SCARA5: variants seen among roughly 807,000 people sequenced by gnomAD.
SCARA5 encodes scavenger receptor class A member 5, also known as scavenger receptor class A, member 5 (putative).
Under a neutral mutation model 46.3 loss-of-function variants are expected in SCARA5, and 45 were observed. The observed-to-expected ratio is 0.97, with a 90% CI of 0.76 to 1.24. The LOEUF is 1.24. SCARA5 is among the 50% of genes most tolerant of loss of function. The pLI is 0.00. For synonymous variants in SCARA5, 333 were observed against 306.5 expected, an observed-to-expected ratio of 1.09 and a Z score of -0.90; for missense variants, 680 against 689.0, an observed-to-expected ratio of 0.99 and a Z score of 0.15.
chr8:27,871,599 T>G lies in SCARA5; in HGVS notation c.*335A>C. ...CTCTGACACATTCTCAGCATTCACCTGTAACTAAAAGGCCAAAGGGAACTG... is the reference window on the plus strand; with the variant it reads ...CTCTGACACATTCTCAGCATTCACCGGTAACTAAAAGGCCAAAGGGAACTG... On this transcript the variant is annotated 3_prime_UTR_variant, in exon 9 of 9. Transcript: ENST00000354914. The G allele has an allele frequency of 8.6e-7, 1 of 1,167,428 alleles. No homozygotes were observed. The highest frequency in any genetic ancestry group is 2.6e-5 in the South Asian group (1 of 38,024). 72.3% of individuals were successfully genotyped at this position (1,167,428 alleles called of 1,614,324 possible). A position where few individuals can be genotyped will look rare whatever the true frequency, so the allele number is the denominator to read the frequency against.
At chr8:27,950,848 A>T (rs1342589552) in intron 3 of SCARA5, among the ~76,000 whole-genome samples, 4 of 149,678 alleles carry the variant, frequency 2.7e-5, no homozygotes, top group Non-Finnish European at 3.0e-5. Flanking sequence ...GCTCTGTGAC[A>T]AAACTCCTAT....
chr8:27,968,322 G>A (rs1281339435), intron 2 of SCARA5, among the ~76,000 whole-genome samples: 1 of 152,188 alleles, frequency 6.6e-6, no homozygotes, highest in East Asian at 1.9e-4. Flanking sequence ...GTGCAGTGTC[G>A]AGCAAGTTGT....
At chr8:27,965,775 T>C (rs1381804037) in intron 3 of SCARA5, among the ~76,000 whole-genome samples, 3 of 152,232 alleles carry the variant, frequency 2.0e-5, no homozygotes, top group Non-Finnish European at 4.4e-5. Flanking sequence ...AGCCATCTGC[T>C]TCACCATCTG....
intron 3 of SCARA5, among the ~76,000 whole-genome samples, chr8:27,925,751 G>GA (rs982341787): frequency 2.0e-5 from 3 of 151,598 alleles, no homozygotes; most frequent in African/African-American, 4.8e-5. Flanking sequence ...AAATTTATAA[G>GA]AAAAAAAACA....
chr8:27,976,145 T>C lies in SCARA5; in HGVS notation c.113-9603A>G, dbSNP rs1023465310. 1.0e-4 allele frequency among the ~76,000 whole-genome samples: 15 copies of C among 144,624 alleles called. No individual in the cohort carries two copies. The East Asian group carries it at 2.9e-3, about 28-fold the overall frequency. 94.9% of individuals were successfully genotyped at this position (144,624 alleles called of 152,430 possible). ...GGGCTGAGGGGTGGAGAGAGGAAGCTGGGGGAGGGGAGGGCAGGGTGGCCA... is the reference window on the plus strand; with the variant it reads ...GGGCTGAGGGGTGGAGAGAGGAAGCCGGGGGAGGGGAGGGCAGGGTGGCCA... On this transcript the variant is annotated intron_variant, in intron 2 of 8. Transcript: ENST00000354914.
chr8:27,918,718 TGAG>T (rs1346352767), intron 4 of SCARA5, among the ~76,000 whole-genome samples: 1 of 13,592 alleles, frequency 7.4e-5, no homozygotes, highest in Non-Finnish European at 1.5e-4. Flanking sequence ...AGGAGGAAGA[TGAG>T]GAGGATAAAG....
chr8:27,947,330 G>A (rs756834488), intron 3 of SCARA5, among the ~76,000 whole-genome samples: 1 of 152,114 alleles, frequency 6.6e-6, no homozygotes, highest in Admixed American at 6.5e-5. Flanking sequence ...ACTTCCAAGG[G>A]CAAATTGGCT....
At position 27,980,715 on chromosome 8, in the gene SCARA5, G is replaced by C. The variant is rs58071164; in HGVS notation, c.112+6789C>G. Among the ~76,000 whole-genome samples, 1,127 of 152,286 alleles carry C rather than the reference G, an allele frequency of 7.4e-3. 3 individuals carry two copies. Among genetic ancestry groups the C allele is most frequent in the African/African-American group, 0.026 (1,067 of 41,550 alleles). On this transcript the variant is annotated intron_variant, in intron 2 of 8. Transcript: ENST00000354914. ...ACCTCAGGGGGCCCCTGGGAGCAAA[G>C]TGCCTCCAATTAGGATGATGAAGGG...
At chr8:27,907,316 G>T in intron 5 of SCARA5, 70 bp from the exon 6 acceptor site, 2 of 1,159,950 alleles carry the variant, frequency 1.7e-6, no homozygotes, top group Non-Finnish European at 2.5e-6. Context: ...GGTCATCGTC[G>T]GGTTCAAGGC....
chr8:27,945,775 A>C (rs1414617863), intron 3 of SCARA5, among the ~76,000 whole-genome samples: 1 of 152,238 alleles, frequency 6.6e-6, no homozygotes, highest in African/African-American at 2.4e-5. Context: ...CAAAAGGCTT[A>C]AACAGCCAGT....
intron 7 of SCARA5, among the ~76,000 whole-genome samples, chr8:27,887,372 A>G (rs563360708): frequency 1.1e-4 from 16 of 152,154 alleles, no homozygotes; most frequent in African/African-American, 3.1e-4. Flanking sequence ...CTTGTTCTGG[A>G]TCCCTAACCT....
At chr8:27,985,396 C>G (rs1276909165) in intron 2 of SCARA5, among the ~76,000 whole-genome samples, 1 of 152,138 alleles carries the variant, frequency 6.6e-6, no homozygotes, top group African/African-American at 2.4e-5. Context: ...TGGGGCAGCA[C>G]AGAGGGGAGA....
At chr8:27,910,913 G>T (rs2685351) in intron 4 of SCARA5, among the ~76,000 whole-genome samples, 2 of 152,184 alleles carry the variant, frequency 1.3e-5, no homozygotes, top group Non-Finnish European at 2.9e-5. Flanking sequence ...CATGACAATG[G>T]CGTGTGCTGC....
chr8:27,990,606 A>C (rs1188527804), intron 1 of SCARA5, among the ~76,000 whole-genome samples: 1 of 152,218 alleles, frequency 6.6e-6, no homozygotes, highest in African/African-American at 2.4e-5. Flanking sequence ...TACACAGGGC[A>C]CTGGCTCAGC....
intron 5 of SCARA5, among the ~76,000 whole-genome samples, chr8:27,907,890 T>G (rs576157806): frequency 6.6e-6 from 1 of 152,140 alleles, no homozygotes; most frequent in East Asian, 1.9e-4. Flanking sequence ...AAACACTTTT[T>G]TGAGTGCTTT....
intron 3 of SCARA5, among the ~76,000 whole-genome samples, chr8:27,943,710 C>T (rs1279455525): frequency 6.6e-6 from 1 of 152,176 alleles, no homozygotes; most frequent in Non-Finnish European, 1.5e-5. Flanking sequence ...CCTTACATTG[C>T]AGCGGTCAGA....
intron 3 of SCARA5, among the ~76,000 whole-genome samples, chr8:27,924,540 TTAATC>T (rs1807651704): frequency 6.6e-6 from 1 of 152,202 alleles, no homozygotes; most frequent in Non-Finnish European, 1.5e-5. Flanking sequence ...ACCCAGCACT[TTAATC>T]TAAGAAGGTC....
Position 27,872,000 on chromosome 8 carries a change from G to C in SCARA5, c.1422C>G (p.Phe474Leu). The C allele has an allele frequency of 6.2e-7, 1 of 1,614,274 alleles. No individual in the cohort carries two copies. The highest frequency in any genetic ancestry group is 8.5e-7 in the Non-Finnish European group (1 of 1,180,050). The change falls in exon 9 of 9, where the codon TTC (phenylalanine) becomes TTG (leucine). Residue 474 changes from phenylalanine to leucine, a missense_variant. Coordinates refer to ENST00000354914, the MANE Select transcript of SCARA5 (RefSeq NM_173833.6). Reference protein sequence around the residue: ...GTEETIFRCSFSKWGVTNCGH... With the variant: ...GTEETIFRCSLSKWGVTNCGH... ...CACAGTTTGTCACCCCCCATTTGGA[G>C]AAGCTGCAGCGGAAGATGGTTTCCT...
intron 7 of SCARA5, among the ~76,000 whole-genome samples, chr8:27,892,954 G>A (rs949800970): frequency 7.2e-5 from 11 of 152,104 alleles, no homozygotes; most frequent in Non-Finnish European, 1.5e-5. Context: ...GGGAGCAACA[G>A]GGCATGTCAA....
Sources: gnomAD v4.1 joint callset for allele counts (sites outside exome capture counted in the v4.1 genomes callset) on GRCh38, gnomAD v4.1.1 for gene constraint, MANE v1.5 for transcripts, NCBI Gene and HGNC (gene_info 2026-07-23, HGNC 2026-07-21) for gene names.